FAR2: variants seen among roughly 807,000 people sequenced by gnomAD.
FAR2 encodes epididymis secretory protein Li 81.
In FAR2, 19 loss-of-function variants were observed where a neutral mutation model predicts 56.0. That is an observed-to-expected ratio of 0.34 (90% CI 0.24 to 0.50). FAR2 has a LOEUF of 0.50. Ranked by LOEUF, FAR2 falls within the 20% of genes least tolerant of loss-of-function variation. FAR2 has a pLI of 0.98. For synonymous variants in FAR2, 219 were observed against 218.8 expected (o/e 1.00, Z -0.01); for missense variants, 508 against 642.2 (o/e 0.79, Z 2.26).
At chr12:29,204,017 A>AAG (rs1456327914) in intron 1 of FAR2, among the ~76,000 whole-genome samples, 2 of 149,780 alleles carry the variant, frequency 1.3e-5, no homozygotes, top group African/African-American at 2.4e-5. Context: ...AAAAAAAAAA[A>AAG]AAAAAAGAAA....
At chr12:29,253,274 T>TATATTG (rs770942551) in intron 1 of FAR2, among the ~76,000 whole-genome samples, 1 of 16,972 alleles carries the variant, frequency 5.9e-5, no homozygotes, top group Non-Finnish European at 1.5e-4. Context: ...TAGATATCTA[T>TATATTG]ATATCGATAT....
At chr12:29,244,954 C>T (rs1309334331) in intron 1 of FAR2, among the ~76,000 whole-genome samples, 2 of 151,522 alleles carry the variant, frequency 1.3e-5, no homozygotes, top group Non-Finnish European at 1.5e-5. Context: ...CTCATTGACT[C>T]AACTGTAAAA....
chr12:29,171,085 A>G (rs1279648357), intron 1 of FAR2, among the ~76,000 whole-genome samples: 2 of 152,266 alleles, frequency 1.3e-5, no homozygotes, highest in Non-Finnish European at 2.9e-5. Context: ...ACCTGATTAC[A>G]GGCTGTTCCA....
At chr12:29,312,571 A>T (rs1240441175) in intron 8 of FAR2, among the ~76,000 whole-genome samples, 1 of 152,202 alleles carries the variant, frequency 6.6e-6, no homozygotes, top group Admixed American at 6.5e-5. Context: ...TTTAATAAGC[A>T]TCTAGATGAT....
At chr12:29,271,499 G>A (rs1310749216) in intron 2 of FAR2, among the ~76,000 whole-genome samples, 1 of 152,166 alleles carries the variant, frequency 6.6e-6, no homozygotes, top group Non-Finnish European at 1.5e-5. Flanking sequence ...ACATAAGATT[G>A]GCAATAAGAA....
rs186578076 is a variant in FAR2 at position 29,159,276 on chromosome 12, T to C, written c.-39+9869T>C. 2.5e-3 allele frequency among the ~76,000 whole-genome samples: 383 copies of C among 152,246 alleles called. 1 individual carries two copies. Among genetic ancestry groups the C allele is most frequent in the South Asian group, 0.016 (75 of 4,826 alleles). ...ATGGGAGGCCGGGCACGGTGGCTCA[T>C]GCCTGTAATCCTAGCACTTTGGGAG... On this transcript the variant is annotated intron_variant, in intron 1 of 11. Transcript: ENST00000536681.
Position 29,196,182 on chromosome 12 carries a change from T to C in FAR2, c.-39+46775T>C, listed in dbSNP as rs35661911. 4.3e-3 allele frequency among the ~76,000 whole-genome samples: 649 copies of C among 152,276 alleles called. 1 individual carries two copies. Among genetic ancestry groups the C allele is most frequent in the Middle Eastern group, 6.8e-3 (2 of 294 alleles). On this transcript the variant is annotated intron_variant, in intron 1 of 11. Transcript: ENST00000536681. ...ATACAAGTGCAGGTGCCTTTTTTTA[T>C]AGAATGACTTCTTTTCTTTTGGGTA...
intron 4 of FAR2, among the ~76,000 whole-genome samples, chr12:29,301,176 G>T (rs3782510): frequency 0.6 from 91,727 of 152,076 alleles, 27,917 homozygotes; most frequent in East Asian, 0.7. Flanking sequence ...CACATTAGCA[G>T]AAATATATTT....
chr12:29,158,030 A>AG (rs1949746202), intron 1 of FAR2, among the ~76,000 whole-genome samples: 1 of 152,260 alleles, frequency 6.6e-6, no homozygotes, highest in Admixed American at 6.5e-5. Context: ...ACATAGTTTT[A>AG]GCATCTTAAA....
intron 1 of FAR2, among the ~76,000 whole-genome samples, chr12:29,157,972 A>G (rs1949745491): frequency 6.6e-6 from 1 of 152,198 alleles, no homozygotes; most frequent in Admixed American, 6.5e-5. Context: ...TTTGCTTATT[A>G]TTTTCAATAA....
rs1239900547 is a variant in FAR2 at position 29,326,447 on chromosome 12, A to C, written c.1257+4523A>C. Among the ~76,000 whole-genome samples the C allele has an allele frequency of 3.6e-3, 528 of 145,652 alleles. 5 individuals are homozygous for C. The highest frequency in any genetic ancestry group is 0.012 in the African/African-American group (491 of 39,814). ...TACCAAAGCCTGGCAGAGACACAAC[A>C]AAAAAAGAGAATTTTAGACCAATAT... On this transcript the variant is annotated intron_variant, in intron 10 of 11. Coordinates refer to ENST00000536681, the MANE Select transcript of FAR2 (RefSeq NM_001271783.2).
Position 29,237,567 on chromosome 12 carries a change from G to C in FAR2, c.-38-32845G>C, listed in dbSNP as rs185943662. 2.6e-5 allele frequency among the ~76,000 whole-genome samples: 4 copies of C among 152,286 alleles called. No homozygotes were observed. In the East Asian group the frequency reaches 7.7e-4, roughly 29 times the overall value. The stretch of plus-strand genomic sequence containing the variant: ...CTGCTGCTGCATTCCTAAGTAGGAT[G>C]GTTGTCTCAAAGAAAACACTTGTGT... On this transcript the variant is annotated intron_variant, in intron 1 of 11. Coordinates refer to ENST00000536681, the MANE Select transcript of FAR2 (RefSeq NM_001271783.2).
intron 1 of FAR2, among the ~76,000 whole-genome samples, chr12:29,225,229 C>T (rs1426787020): frequency 1.3e-5 from 2 of 152,054 alleles, no homozygotes; most frequent in Non-Finnish European, 2.9e-5. Flanking sequence ...GAGTGAGACC[C>T]TGTCTCAATA....
At chr12:29,255,727 C>G (rs367896594) in intron 1 of FAR2, among the ~76,000 whole-genome samples, 1 of 151,972 alleles carries the variant, frequency 6.6e-6, no homozygotes, top group African/African-American at 2.4e-5. Flanking sequence ...CAGGTACATG[C>G]GATTCTCCTG....
rs761205164 is a variant in FAR2 at position 29,297,170 on chromosome 12, T to C, written c.515T>C (p.Val172Ala). The change falls in exon 4 of 12, where the codon GTG becomes GCG. Residue 172 changes from valine to alanine, a missense_variant. Transcript: ENST00000536681. ...GATGAAGTTATCTATCCGTGCCCTG[T>C]GGAGCCAAAAAAAATCATTGATTCC... ...HIDEVIYPCP[V>A]EPKKIIDSLE... The C allele has an allele frequency of 4.3e-6, 7 of 1,611,980 alleles. No individual in the cohort carries two copies. In the East Asian group the frequency reaches 1.6e-4, roughly 36 times the overall value.
intron 1 of FAR2, among the ~76,000 whole-genome samples, chr12:29,226,824 T>A (rs906712717): frequency 9.2e-5 from 14 of 152,212 alleles, no homozygotes; most frequent in African/African-American, 3.4e-4. Context: ...TGTTTACCAA[T>A]GTGTTACACA....
At chr12:29,321,952 G>C in intron 10 of FAR2, 28 bp downstream of exon 10, 4 of 1,586,992 alleles carry the variant, frequency 2.5e-6, no homozygotes, top group Non-Finnish European at 3.4e-6. Flanking sequence ...TTAAGCACCA[G>C]GAAAATGCTA....
chr12:29,261,766 A>G (rs1262262835), intron 1 of FAR2, among the ~76,000 whole-genome samples: 5 of 152,172 alleles, frequency 3.3e-5, no homozygotes, highest in Non-Finnish European at 4.4e-5. Flanking sequence ...GTGGCATGAC[A>G]TATTTCAAGT....
chr12:29,177,981 G>A (rs963523921), intron 1 of FAR2, among the ~76,000 whole-genome samples: 6 of 152,136 alleles, frequency 3.9e-5, no homozygotes, highest in Non-Finnish European at 5.9e-5. Flanking sequence ...ATGGGAAGGA[G>A]CTCAGTGACA....
Sources: allele counts gnomAD v4.1 joint callset (sites outside exome capture counted in the v4.1 genomes callset), GRCh38; gene constraint gnomAD v4.1.1; transcripts MANE v1.5; gene names NCBI Gene and HGNC (gene_info 2026-07-23, HGNC 2026-07-21).